NNT: variants seen among roughly 807,000 people sequenced by gnomAD.
NNT encodes the protein nicotinamide nucleotide transhydrogenase, also known as NAD(P) transhydrogenase, mitochondrial.
A neutral mutation model predicts 104.8 loss-of-function variants in NNT; 50 were observed. The observed-to-expected ratio is 0.48, with a 90% confidence interval of 0.38 to 0.60. The LOEUF is 0.60. NNT is among the 20% of genes least tolerant of loss of function. NNT has a pLI of 0.00. For missense variants in NNT, 1,131 were observed against 1,330.7 expected, an observed-to-expected ratio of 0.85 and a Z score of 2.33; for synonymous variants, 461 against 490.4, an observed-to-expected ratio of 0.94 and a Z score of 0.79.
At position 43,704,544 on chromosome 5, in the gene NNT, A is replaced by T; in HGVS notation, c.*140A>T. ...TGAAGACTGAAGAAAGCAAAGCAAA[A>T]ACTGTATAGAGAGATTTTTCAAAAG... is the stretch of plus-strand genomic sequence containing the variant. On this transcript the variant is annotated 3_prime_UTR_variant, in exon 22 of 22. Transcript: ENST00000344920. The T allele has an allele frequency of 1.3e-6, 1 of 769,666 alleles. No individual in the cohort carries two copies. Among genetic ancestry groups the T allele is most frequent in the South Asian group, 2.0e-5 (1 of 49,124 alleles). The allele number at this position is 769,666 out of a possible 1,614,324, so 47.7% of individuals were successfully genotyped here.
chr5:43,647,736 T>G (rs1739529813), intron 10 of NNT, among the ~76,000 whole-genome samples: 1 of 152,214 alleles, frequency 6.6e-6, no homozygotes. Context: ...TATGATGTAA[T>G]TTTTATCATA....
At chr5:43,664,512 T>G (rs1740527640) in intron 17 of NNT, among the ~76,000 whole-genome samples, 2 of 152,226 alleles carry the variant, frequency 1.3e-5, no homozygotes, top group Non-Finnish European at 2.9e-5. Flanking sequence ...TTTGTCAGTT[T>G]TATGACCTTT....
intron 1 of NNT, among the ~76,000 whole-genome samples, chr5:43,606,756 C>T (rs1749245996): frequency 6.6e-6 from 1 of 152,134 alleles, no homozygotes; most frequent in South Asian, 2.1e-4. Flanking sequence ...TGTTACTCTA[C>T]TTTGTAGTGT....
chr5:43,686,376 CTG>C (rs1456794067), intron 19 of NNT, among the ~76,000 whole-genome samples: 1 of 151,890 alleles, frequency 6.6e-6, no homozygotes, highest in African/African-American at 2.4e-5. Context: ...TGAAATTTGA[CTG>C]TATCAAAATA....
At position 43,646,343 on chromosome 5, in the gene NNT, T is replaced by A. The variant is rs116369177; in HGVS notation, c.1444+833T>A. On this transcript the variant is annotated intron_variant, in intron 10 of 21. Transcript: ENST00000344920. The stretch of plus-strand genomic sequence containing the variant: ...TTTTGTTGCTCAGGTAGGAGTGCAG[T>A]GGTGTGATTACGGCTCACCATAGCC... Among the ~76,000 whole-genome samples, 859 of 152,270 alleles carry A rather than the reference T, an allele frequency of 5.6e-3. 6 individuals are homozygous for A. The highest frequency in any genetic ancestry group is 0.019 in the African/African-American group (780 of 41,544).
chr5:43,656,515 C>T (rs1358623846), intron 15 of NNT, 138 bp from the exon 16 acceptor site: 1 of 735,402 alleles, frequency 1.4e-6, no homozygotes, highest in East Asian at 2.9e-5. Context: ...GACTAGTTGA[C>T]TTTTGATAAT....
intron 7 of NNT, among the ~76,000 whole-genome samples, chr5:43,630,439 TGA>T (rs935183517): frequency 1.8e-4 from 27 of 152,198 alleles, no homozygotes; most frequent in African/African-American, 6.5e-4. Flanking sequence ...TCTATATATG[TGA>T]GAGAGAGGGG....
chr5:43,610,013 A>G (rs932473584), intron 2 of NNT, among the ~76,000 whole-genome samples: 2 of 152,120 alleles, frequency 1.3e-5, no homozygotes, highest in African/African-American at 4.8e-5. Flanking sequence ...TTTAAAATGT[A>G]CAGTCATGTC....
At chr5:43,695,304 G>A (rs1020798175) in intron 19 of NNT, among the ~76,000 whole-genome samples, 14 of 152,182 alleles carry the variant, frequency 9.2e-5, no homozygotes, top group Non-Finnish European at 1.5e-4. Flanking sequence ...TCCCTGATGC[G>A]CCTATATGAA....
At chr5:43,605,503 A>G (rs1328620155) in intron 1 of NNT, among the ~76,000 whole-genome samples, 4 of 136,376 alleles carry the variant, frequency 2.9e-5, no homozygotes, top group Non-Finnish European at 6.2e-5. Context: ...GGCCTGGGCG[A>G]CAGAGCGAGA....
At position 43,615,256 on chromosome 5, in the gene NNT, CAG is replaced by C. The variant is rs376198475; in HGVS notation, c.382-590_382-589del. 3.5e-3 allele frequency among the ~76,000 whole-genome samples: 535 copies of C among 152,310 alleles called. 2 individuals are homozygous for C. Among genetic ancestry groups the C allele is most frequent in the African/African-American group, 0.013 (524 of 41,576 alleles). ...ACTTAGTTGATACTTCTTAATGTAA[CAG>C]AATATATTGTAGCTTTTGGCTTAAA... On this transcript the variant is annotated intron_variant, in intron 3 of 21. Coordinates refer to ENST00000344920, the MANE Select transcript of NNT (RefSeq NM_182977.3).
chr5:43,638,058 G>A (rs764505487), intron 7 of NNT, among the ~76,000 whole-genome samples: 2 of 152,160 alleles, frequency 1.3e-5, no homozygotes, highest in East Asian at 1.9e-4. Context: ...TCCTGTTCTC[G>A]TGATAGCGAG....
intron 19 of NNT, among the ~76,000 whole-genome samples, chr5:43,682,680 G>C (rs910954996): frequency 2.0e-5 from 3 of 152,118 alleles, no homozygotes; most frequent in Non-Finnish European, 4.4e-5. Flanking sequence ...AAATTATCTT[G>C]TATAGTATTT....
intron 3 of NNT, among the ~76,000 whole-genome samples, chr5:43,613,856 AC>A (rs1284293168): frequency 3.9e-5 from 6 of 152,114 alleles, no homozygotes; most frequent in African/African-American, 1.4e-4. Flanking sequence ...GCTTTTTTCT[AC>A]ATTAATTTCT....
intron 2 of NNT, among the ~76,000 whole-genome samples, chr5:43,610,027 C>T (rs1008591157): frequency 1.3e-5 from 2 of 152,024 alleles, no homozygotes; most frequent in Non-Finnish European, 2.9e-5. Flanking sequence ...TCATGTCACT[C>T]CTCAATTCAA....
intron 1 of NNT, among the ~76,000 whole-genome samples, chr5:43,607,186 T>C (rs947024721): frequency 3.3e-5 from 5 of 152,070 alleles, no homozygotes; most frequent in Admixed American, 1.3e-4. Context: ...GAGCCCAAGC[T>C]AAGCCATCAT....
At position 43,613,124 on chromosome 5, in the gene NNT, A is replaced by G. The variant is rs747116731; in HGVS notation, c.368A>G (p.Asp123Gly). The change falls in exon 3 of 22, where the codon GAT becomes GGT. Residue 123 changes from aspartate to glycine, a missense_variant. Physicochemically the swap from Asp to Gly is moderately conservative, Grantham distance 94 (BLOSUM62 -1). Coordinates refer to ENST00000344920, the MANE Select transcript of NNT (RefSeq NM_182977.3). ...IQGAKEVLAS[D>G]LVVKVRAPMV... ...GGGGCAAAGGAAGTGCTGGCTTCTG[A>G]TTTGGTGGTCAAAGTAATTATTCCT... 5 of 1,612,244 alleles carry G rather than the reference A, an allele frequency of 3.1e-6. No homozygotes were observed. The highest frequency in any genetic ancestry group is 4.2e-6 in the Non-Finnish European group (5 of 1,178,808).
At chr5:43,672,973 C>T (rs774123220) in intron 17 of NNT, among the ~76,000 whole-genome samples, 3 of 152,236 alleles carry the variant, frequency 2.0e-5, no homozygotes, top group African/African-American at 7.2e-5. Context: ...CTACTCAAGG[C>T]TCAGCAATGG....
Position 43,707,145 on chromosome 5 carries a change from A to G in NNT, c.*2741A>G, listed in dbSNP as rs1169209808. 1.3e-5 allele frequency: 2 copies of G among 152,110 alleles called. No homozygotes were observed. The highest frequency in any genetic ancestry group is 4.8e-5 in the African/African-American group (2 of 41,422). The allele number at this position is 152,110 out of a possible 1,614,324, so 9.4% of individuals were successfully genotyped here. ...TAAAAAAAAAAAGAAAACAGAAGCT[A>G]TTTATAAAGAAGTTATTTGCTGAAA... On this transcript the variant is annotated 3_prime_UTR_variant, in exon 22 of 22. Coordinates refer to ENST00000344920, the MANE Select transcript of NNT (RefSeq NM_182977.3).
Sources: gnomAD v4.1 joint callset for allele counts (sites outside exome capture counted in the v4.1 genomes callset) on GRCh38, gnomAD v4.1.1 for gene constraint, MANE v1.5 for transcripts, NCBI Gene and HGNC (gene_info 2026-07-23, HGNC 2026-07-21) for gene names.